The following SPOPL variants were observed in gnomAD, a reference collection of about 807,000 sequenced individuals.
SPOPL encodes the protein speckle-type POZ protein-like.
A neutral mutation model predicts 53.8 loss-of-function variants in SPOPL; 23 were observed. That is an observed-to-expected ratio of 0.43 (90% confidence interval 0.31 to 0.61). The LOEUF (loss-of-function observed/expected upper bound fraction) is 0.61. SPOPL is among the 20% of genes least tolerant of loss of function. The pLI is 0.12. For synonymous variants in SPOPL, 164 were observed against 149.7 expected, an observed-to-expected ratio of 1.10 and a Z score of -0.70; for missense variants, 442 against 466.9, an observed-to-expected ratio of 0.95 and a Z score of 0.49.
intron 5 of SPOPL, 23 bp downstream of exon 5, chr2:138,552,704 G>A (rs1685339505): frequency 1.2e-6 from 2 of 1,602,232 alleles, no homozygotes; most frequent in Non-Finnish European, 1.7e-6. Flanking sequence ...TTTATTCTAA[G>A]AACCCCATGG....
chr2:138,558,276 T>A (rs1685471656), intron 5 of SPOPL, among the ~76,000 whole-genome samples: 1 of 152,208 alleles, frequency 6.6e-6, no homozygotes, highest in Admixed American at 6.5e-5. Context: ...TTGATCCATA[T>A]TATATTGGAA....
intron 1 of SPOPL, among the ~76,000 whole-genome samples, chr2:138,536,825 G>A (rs879376294): frequency 1.3e-5 from 2 of 152,162 alleles, no homozygotes; most frequent in Non-Finnish European, 2.9e-5. Flanking sequence ...TCTGCTTTAT[G>A]GTCCACTTCT....
intron 1 of SPOPL, among the ~76,000 whole-genome samples, chr2:138,519,514 A>G (rs926978026): frequency 1.3e-5 from 2 of 152,220 alleles, no homozygotes; most frequent in East Asian, 1.9e-4. Flanking sequence ...TAAATACTTA[A>G]CAGGTTTGTC....
chr2:138,524,254 G>A (rs1192126697), intron 1 of SPOPL, among the ~76,000 whole-genome samples: 3 of 152,180 alleles, frequency 2.0e-5, no homozygotes, highest in African/African-American at 7.2e-5. Flanking sequence ...AGTCACAGCT[G>A]GAGCGGCTGG....
intron 1 of SPOPL, among the ~76,000 whole-genome samples, chr2:138,511,258 C>T (rs1188238620): frequency 6.6e-6 from 1 of 152,038 alleles, no homozygotes; most frequent in Non-Finnish European, 1.5e-5. Flanking sequence ...TTACTGTTGT[C>T]TCTCTGCCTC....
intron 1 of SPOPL, among the ~76,000 whole-genome samples, chr2:138,526,304 ATTG>A (rs1684674133): frequency 1.3e-5 from 2 of 151,942 alleles, no homozygotes; most frequent in African/African-American, 2.4e-5. Flanking sequence ...TTCTCATCTG[ATTG>A]TTGTTGTTTC....
intron 7 of SPOPL, among the ~76,000 whole-genome samples, chr2:138,560,024 G>C (rs919662001): frequency 6.6e-6 from 1 of 152,106 alleles, no homozygotes; most frequent in Non-Finnish European, 1.5e-5. Context: ...TCCAAGTTGG[G>C]AGACATCAAT....
chr2:138,565,058 C>G, intron 10 of SPOPL, 65 bp downstream of exon 10: 1 of 1,568,384 alleles, frequency 6.4e-7, no homozygotes, highest in Non-Finnish European at 8.7e-7. Flanking sequence ...GTTTGCATAG[C>G]CTTTTGTTCA....
intron 1 of SPOPL, among the ~76,000 whole-genome samples, chr2:138,515,477 C>T (rs1426353723): frequency 6.6e-6 from 1 of 152,204 alleles, no homozygotes; most frequent in African/African-American, 2.4e-5. Context: ...TTCCTCACAG[C>T]ATGCTGTGTG....
In SPOPL at chr2:138,573,523, T is replaced by C. The variant is rs1417605111; in HGVS notation, c.*4443T>C. The stretch of plus-strand genomic sequence containing the variant: ...CCTTTTCCCTGTCATTCCTATCCTG[T>C]CTTAATTTCAGTTATCCCAGACAAT... On this transcript the variant is annotated 3_prime_UTR_variant, in exon 11 of 11. Transcript: ENST00000280098. 2 of 151,552 alleles carry C rather than the reference T, an allele frequency of 1.3e-5. No individual in the cohort carries two copies. The highest frequency in any genetic ancestry group is 2.9e-5 in the Non-Finnish European group (2 of 68,032). 9.4% of individuals were successfully genotyped at this position (151,552 alleles called of 1,614,324 possible).
At chr2:138,547,756 A>G (rs926057369) in intron 1 of SPOPL, among the ~76,000 whole-genome samples, 14 of 152,166 alleles carry the variant, frequency 9.2e-5, no homozygotes, top group African/African-American at 2.7e-4. Context: ...TTATCACTGA[A>G]ATGCCAAAGT....
At chr2:138,555,201 T>C (rs1417775645) in intron 5 of SPOPL, among the ~76,000 whole-genome samples, 1 of 151,428 alleles carries the variant, frequency 6.6e-6, no homozygotes, top group Non-Finnish European at 1.5e-5. Context: ...AAACTCATTG[T>C]CTCAGTAAAC....
chr2:138,515,089 A>G (rs1376081993), intron 1 of SPOPL, among the ~76,000 whole-genome samples: 1 of 152,256 alleles, frequency 6.6e-6, no homozygotes, highest in Non-Finnish European at 1.5e-5. Context: ...TGCAGAATAT[A>G]CAACAAATTT....
chr2:138,552,787 T>C (rs1685341553), intron 5 of SPOPL, 106 bp downstream of exon 5: 1 of 1,284,554 alleles, frequency 7.8e-7, no homozygotes, highest in Admixed American at 2.8e-5. Flanking sequence ...GTATAGTTGA[T>C]TGAGTTTCAT....
At chr2:138,520,453 A>G (rs1041050458) in intron 1 of SPOPL, among the ~76,000 whole-genome samples, 2 of 152,162 alleles carry the variant, frequency 1.3e-5, no homozygotes, top group Admixed American at 1.3e-4. Flanking sequence ...GGGTCACAAC[A>G]TTTGGTTTCA....
intron 1 of SPOPL, among the ~76,000 whole-genome samples, chr2:138,517,925 G>A (rs1558863040): frequency 6.6e-6 from 1 of 151,348 alleles, no homozygotes; most frequent in African/African-American, 2.4e-5. Flanking sequence ...GCGCACACCT[G>A]TAATCCCAGC....
intron 1 of SPOPL, among the ~76,000 whole-genome samples, chr2:138,543,526 T>G (rs1212643716): frequency 1.3e-5 from 2 of 152,254 alleles, no homozygotes; most frequent in African/African-American, 4.8e-5. Flanking sequence ...GTTGGTCGCA[T>G]TGGCTACTGA....
chr2:138,517,729 A>T (rs1427379078), intron 1 of SPOPL, among the ~76,000 whole-genome samples: 2 of 140,908 alleles, frequency 1.4e-5, no homozygotes, highest in Non-Finnish European at 3.0e-5. Context: ...ACAGAGCGAG[A>T]CTCCGTCTCA....
At chr2:138,559,415 C>A (rs1241829409) in intron 7 of SPOPL, 78 bp downstream of exon 7, 1 of 1,400,620 alleles carries the variant, frequency 7.1e-7, no homozygotes, top group Non-Finnish European at 9.6e-7. Flanking sequence ...AGTAATAGTA[C>A]AATGTTCTCA....
Sources: allele counts gnomAD v4.1 joint callset (sites outside exome capture counted in the v4.1 genomes callset), GRCh38; gene constraint gnomAD v4.1.1; transcripts MANE v1.5; gene names NCBI Gene and HGNC (gene_info 2026-07-23, HGNC 2026-07-21).